CMKLR1: variants seen among roughly 807,000 people sequenced by gnomAD.
The protein encoded by CMKLR1 is chemerin chemokine-like receptor 1.
In CMKLR1, 6 loss-of-function variants were observed where a neutral mutation model predicts 8.2. The observed-to-expected ratio is 0.73, with a 90% CI of 0.40 to 1.44. The LOEUF is 1.44. Ranked by LOEUF, CMKLR1 falls within the 40% of genes most tolerant of loss-of-function variation. The pLI, the probability that CMKLR1 is intolerant of heterozygous loss-of-function variation, is 0.02. For missense variants in CMKLR1, 429 were observed against 478.0 expected (o/e 0.90, Z 0.96); for synonymous variants, 178 against 181.2 (o/e 0.98, Z 0.14).
chr12:108,332,380 A>G (rs1892131212), intron 1 of CMKLR1, among the ~76,000 whole-genome samples: 1 of 152,222 alleles, frequency 6.6e-6, no homozygotes, highest in Non-Finnish European at 1.5e-5. Context: ...ACCCTGTGTG[A>G]TGGTTAATAC....
At chr12:108,303,640 T>C (rs1256867322) in intron 2 of CMKLR1, among the ~76,000 whole-genome samples, 1 of 152,184 alleles carries the variant, frequency 6.6e-6, no homozygotes, top group Non-Finnish European at 1.5e-5. Flanking sequence ...CTGCTTCGCC[T>C]CCTTGGAACA....
intron 2 of CMKLR1, among the ~76,000 whole-genome samples, chr12:108,328,396 C>A (rs555737657): frequency 6.6e-6 from 1 of 152,178 alleles, no homozygotes; most frequent in African/African-American, 2.4e-5. Context: ...CCGGGCCACA[C>A]GTGATCTCGT....
chr12:108,311,452 G>A (rs919929946), intron 2 of CMKLR1, among the ~76,000 whole-genome samples: 1 of 152,078 alleles, frequency 6.6e-6, no homozygotes. Context: ...CTGCCTCTAG[G>A]GGAAAAAATT....
intron 2 of CMKLR1, among the ~76,000 whole-genome samples, chr12:108,326,167 T>A (rs1315116106): frequency 6.6e-6 from 1 of 152,058 alleles, no homozygotes; most frequent in Non-Finnish European, 1.5e-5. Flanking sequence ...CCAACGGAGG[T>A]GCAAATAAGT....
intron 2 of CMKLR1, among the ~76,000 whole-genome samples, chr12:108,323,924 C>T (rs1891921114): frequency 6.6e-6 from 1 of 152,182 alleles, no homozygotes; most frequent in Non-Finnish European, 1.5e-5. Flanking sequence ...GGCCCCACAG[C>T]CAAGGACCTC....
intron 1 of CMKLR1, among the ~76,000 whole-genome samples, chr12:108,337,223 T>C (rs2137351198): frequency 6.6e-6 from 1 of 152,284 alleles, no homozygotes; most frequent in East Asian, 1.9e-4. Flanking sequence ...ATCTGTAAAA[T>C]GGGCATGTTA....
rs1286161386 is a variant in CMKLR1 at position 108,330,160 on chromosome 12, C to T, written c.-239G>A. On this transcript the variant is annotated 5_prime_UTR_variant, in exon 2 of 4. Coordinates refer to ENST00000550402, the MANE Select transcript of CMKLR1 (RefSeq NM_001142343.2). Reference sequence around the variant, plus strand: ...CTTCTGCTATCATTGTTGCAGAGCCCTGAGCCTCCTGGTAGAAAAATCCAA... The same window carrying T: ...CTTCTGCTATCATTGTTGCAGAGCCTTGAGCCTCCTGGTAGAAAAATCCAA... 1 of 152,146 alleles carries T rather than the reference C, an allele frequency of 6.6e-6. No individual in the cohort carries two copies. Among genetic ancestry groups the T allele is most frequent in the Non-Finnish European group, 1.5e-5 (1 of 68,054 alleles). The allele number at this position is 152,146 out of a possible 1,614,324, so 9.4% of individuals were successfully genotyped here.
intron 2 of CMKLR1, among the ~76,000 whole-genome samples, chr12:108,319,202 T>C (rs1341060983): frequency 6.6e-6 from 1 of 152,144 alleles, no homozygotes; most frequent in Non-Finnish European, 1.5e-5. Flanking sequence ...TGAGCAGAGA[T>C]CTTTGAAACC....
intron 2 of CMKLR1, among the ~76,000 whole-genome samples, chr12:108,312,107 C>G (rs1176269826): frequency 2.0e-5 from 3 of 152,200 alleles, no homozygotes; most frequent in African/African-American, 7.2e-5. Flanking sequence ...GCTTGACACC[C>G]CCTCATCTCC....
chr12:108,298,958 G>T (rs904170918), intron 2 of CMKLR1, among the ~76,000 whole-genome samples: 1 of 152,242 alleles, frequency 6.6e-6, no homozygotes, highest in African/African-American at 2.4e-5. Flanking sequence ...CAAGGTCCAC[G>T]TGTGGGCGGC....
chr12:108,338,673 AAAG>A (rs1012186359), intron 1 of CMKLR1, among the ~76,000 whole-genome samples: 5 of 152,256 alleles, frequency 3.3e-5, no homozygotes, highest in African/African-American at 1.2e-4. Flanking sequence ...TAATAAAAAA[AAAG>A]AAGCAAATCT....
intron 2 of CMKLR1, among the ~76,000 whole-genome samples, chr12:108,328,298 T>C (rs1430700412): frequency 6.6e-6 from 1 of 152,196 alleles, no homozygotes; most frequent in Non-Finnish European, 1.5e-5. Flanking sequence ...TAGCCTCTCA[T>C]GGTTCAAGAA....
At chr12:108,314,662 TCTCC>T (rs1891670335) in intron 2 of CMKLR1, among the ~76,000 whole-genome samples, 1 of 152,222 alleles carries the variant, frequency 6.6e-6, no homozygotes, top group South Asian at 2.1e-4. Flanking sequence ...TTTAAGTCAT[TCTCC>T]CTGATGTTTT....
chr12:108,316,912 C>A (rs971718029), intron 2 of CMKLR1, among the ~76,000 whole-genome samples: 1 of 152,224 alleles, frequency 6.6e-6, no homozygotes, highest in Non-Finnish European at 1.5e-5. Flanking sequence ...GATCCTCCCA[C>A]TTCAGCCTCC....
In CMKLR1 at chr12:108,299,027, A is replaced by C. The variant is rs376038365; in HGVS notation, c.-73-5363T>G. ...TCTCCTGTCAGGGCCTCAGATGTGC[A>C]ATCTGCAAAATGAGGATGATAACAA... is the stretch of plus-strand genomic sequence containing the variant. On this transcript the variant is annotated intron_variant, in intron 2 of 3. Coordinates refer to ENST00000550402, the MANE Select transcript of CMKLR1 (RefSeq NM_001142343.2). 5.0e-4 allele frequency among the ~76,000 whole-genome samples: 76 copies of C among 152,340 alleles called. 2 individuals carry two copies. The South Asian group carries it at 0.015, about 30-fold the overall frequency.
chr12:108,314,732 T>A (rs1891672024), intron 2 of CMKLR1, among the ~76,000 whole-genome samples: 1 of 152,130 alleles, frequency 6.6e-6, no homozygotes, highest in African/African-American at 2.4e-5. Flanking sequence ...CTACTCTTTC[T>A]TTTTTCCCCC....
intron 2 of CMKLR1, among the ~76,000 whole-genome samples, chr12:108,298,305 A>T (rs901761642): frequency 4.6e-5 from 7 of 152,202 alleles, no homozygotes; most frequent in African/African-American, 1.7e-4. Flanking sequence ...TGTATCAAGC[A>T]CTTTCATTGC....
intron 2 of CMKLR1, among the ~76,000 whole-genome samples, chr12:108,316,590 C>T (rs190315615): frequency 6.6e-6 from 1 of 152,298 alleles, no homozygotes; most frequent in East Asian, 1.9e-4. Flanking sequence ...AGTCTTCTGC[C>T]AACCTCTGAG....
intron 2 of CMKLR1, among the ~76,000 whole-genome samples, chr12:108,323,245 C>A (rs1221089412): frequency 6.6e-6 from 1 of 152,170 alleles, no homozygotes; most frequent in Admixed American, 6.5e-5. Context: ...ACATTAATAC[C>A]CACGAAAATA....
Sources: gnomAD v4.1 joint callset for allele counts (sites outside exome capture counted in the v4.1 genomes callset) on GRCh38, gnomAD v4.1.1 for gene constraint, MANE v1.5 for transcripts, NCBI Gene and HGNC (gene_info 2026-07-23, HGNC 2026-07-21) for gene names.